Variants in LRRTM4 observed in about 807,000 individuals in gnomAD.
The protein encoded by LRRTM4 is leucine rich repeat transmembrane neuronal 4, also known as leucine-rich repeat transmembrane neuronal protein 4.
LRRTM4 carries 25 observed loss-of-function variants against 47.6 expected under a neutral mutation model. That is an observed-to-expected ratio of 0.53 (90% confidence interval 0.38 to 0.73). LRRTM4 has a LOEUF of 0.73. LRRTM4 is among the 30% of genes least tolerant of loss of function. The pLI, the probability that LRRTM4 is intolerant of heterozygous loss-of-function variation, is 0.00. For missense variants in LRRTM4, 638 were observed against 713.4 expected (o/e 0.89, Z 1.20); for synonymous variants, 311 against 269.5 (o/e 1.15, Z -1.51).
chr2:77,090,301 A>T (rs1474444261), intron 3 of LRRTM4, among the ~76,000 whole-genome samples: 1 of 152,092 alleles, frequency 6.6e-6, no homozygotes, highest in Admixed American at 6.5e-5. Flanking sequence ...TTTCTCATCA[A>T]ATATAAAAAT....
intron 3 of LRRTM4, among the ~76,000 whole-genome samples, chr2:77,267,286 G>A (rs1676074642): frequency 6.6e-6 from 1 of 152,086 alleles, no homozygotes; most frequent in Non-Finnish European, 1.5e-5. Flanking sequence ...CTACAGACTG[G>A]GTAATTTATA....
intron 3 of LRRTM4, among the ~76,000 whole-genome samples, chr2:76,898,374 C>CT (rs74739949): frequency 0.28 from 42,756 of 151,570 alleles, 6,718 homozygotes; most frequent in African/African-American, 0.41. Context: ...GAAATGATTT[C>CT]TTTGCTTCAA....
At chr2:76,984,656 T>C (rs975427275) in intron 3 of LRRTM4, among the ~76,000 whole-genome samples, 16 of 151,896 alleles carry the variant, frequency 1.1e-4, no homozygotes, top group Middle Eastern at 3.2e-3. Flanking sequence ...CACATTAAGA[T>C]TGGAAGATCA....
intron 3 of LRRTM4, among the ~76,000 whole-genome samples, chr2:77,453,729 T>C (rs1223303582): frequency 1.3e-5 from 2 of 152,214 alleles, no homozygotes; most frequent in East Asian, 1.9e-4. Context: ...ATTTCTGTGG[T>C]ATTTCTTTTG....
chr2:77,105,255 A>G (rs1163364543), intron 3 of LRRTM4, among the ~76,000 whole-genome samples: 1 of 152,128 alleles, frequency 6.6e-6, no homozygotes, highest in African/African-American at 2.4e-5. Context: ...TGTGGATTTA[A>G]AAAGAAATTA....
At chr2:76,988,146 C>G (rs141538374) in intron 3 of LRRTM4, among the ~76,000 whole-genome samples, 1 of 151,822 alleles carries the variant, frequency 6.6e-6, no homozygotes, top group African/African-American at 2.4e-5. Flanking sequence ...TATGGGTTTT[C>G]TTGTGTTTTC....
chr2:77,391,333 C>G (rs1342872648), intron 3 of LRRTM4, among the ~76,000 whole-genome samples: 1 of 151,934 alleles, frequency 6.6e-6, no homozygotes, highest in Admixed American at 6.6e-5. Context: ...CTGGGACAGG[C>G]AGTAAATGGC....
chr2:77,026,891 G>A (rs573439070), intron 3 of LRRTM4, among the ~76,000 whole-genome samples: 1 of 152,186 alleles, frequency 6.6e-6, no homozygotes, highest in Non-Finnish European at 1.5e-5. Context: ...TGAATATTTA[G>A]TAAGATGTTC....
chr2:77,019,202 T>C (rs554582433), intron 3 of LRRTM4, among the ~76,000 whole-genome samples: 292 of 134,432 alleles, frequency 2.2e-3, no homozygotes, highest in South Asian at 3.1e-3. Flanking sequence ...TTTTACAAAA[T>C]GGAATTTATT....
chr2:77,278,650 G>A (rs1676430143), intron 3 of LRRTM4, among the ~76,000 whole-genome samples: 1 of 151,826 alleles, frequency 6.6e-6, no homozygotes, highest in Non-Finnish European at 1.5e-5. Context: ...TAGAGCAAAG[G>A]GGCCATTTAT....
chr2:77,372,933 C>A (rs1035206888), intron 3 of LRRTM4, among the ~76,000 whole-genome samples: 1 of 144,548 alleles, frequency 6.9e-6, no homozygotes, highest in African/African-American at 2.5e-5. Context: ...CAGAAACAAA[C>A]TTAATGACTT....
chr2:77,277,952 C>T (rs149428581), intron 3 of LRRTM4, among the ~76,000 whole-genome samples: 1 of 152,086 alleles, frequency 6.6e-6, no homozygotes, highest in Admixed American at 6.6e-5. Context: ...CTAGGGTTGA[C>T]TAGAGTATTT....
chr2:77,136,104 T>C (rs1671932107), intron 3 of LRRTM4, among the ~76,000 whole-genome samples: 1 of 152,034 alleles, frequency 6.6e-6, no homozygotes, highest in South Asian at 2.1e-4. Context: ...ATTTCTGCAT[T>C]TCCAACTGAG....
intron 3 of LRRTM4, among the ~76,000 whole-genome samples, chr2:77,174,676 AG>A (rs1425874505): frequency 6.6e-6 from 1 of 151,796 alleles, no homozygotes; most frequent in African/African-American, 2.4e-5. Context: ...TTTAAGTTTT[AG>A]GGTACATGTG....
chr2:77,385,555 A>T (rs1673227743), intron 3 of LRRTM4, among the ~76,000 whole-genome samples: 1 of 152,090 alleles, frequency 6.6e-6, no homozygotes. Context: ...CTAACAAAAA[A>T]CTTCAGACTG....
intron 3 of LRRTM4, among the ~76,000 whole-genome samples, chr2:76,917,050 T>C (rs1674276034): frequency 6.6e-6 from 1 of 152,214 alleles, no homozygotes; most frequent in Admixed American, 6.5e-5. Flanking sequence ...TGTTAATACA[T>C]CCTTTTTGGT....
At chr2:76,875,623 T>A (rs905218663) in intron 3 of LRRTM4, among the ~76,000 whole-genome samples, 7 of 152,066 alleles carry the variant, frequency 4.6e-5, no homozygotes, top group Admixed American at 4.6e-4. Flanking sequence ...TGGCAAACAT[T>A]AGCAAAAAAG....
In LRRTM4 at chr2:76,802,242, A is replaced by G. The variant is rs553384041; in HGVS notation, c.1552-53326T>C. Among the ~76,000 whole-genome samples, 37 of 152,060 alleles carry G rather than the reference A, an allele frequency of 2.4e-4. No individual in the cohort carries two copies. In the East Asian group the frequency reaches 6.8e-3, roughly 28 times the overall value. On this transcript the variant is annotated intron_variant, in intron 3 of 3. Coordinates refer to ENST00000409884, the MANE Select transcript of LRRTM4 (RefSeq NM_001134745.3). ...AAAATCCTAAAGACTCCACCAAAAA[A>G]AAAAAAAACTGTTAGAATAAATAAA...
intron 3 of LRRTM4, among the ~76,000 whole-genome samples, chr2:76,910,304 C>T (rs1338097506): frequency 3.0e-5 from 4 of 133,896 alleles, no homozygotes; most frequent in Non-Finnish European, 6.0e-5. Flanking sequence ...AATGAGAACA[C>T]ATGGACACAG....
Sources: gnomAD v4.1 joint callset for allele counts (sites outside exome capture counted in the v4.1 genomes callset) on GRCh38, gnomAD v4.1.1 for gene constraint, MANE v1.5 for transcripts, NCBI Gene and HGNC (gene_info 2026-07-23, HGNC 2026-07-21) for gene names.